The following UNC5C variants were observed in gnomAD, a reference collection of about 807,000 sequenced individuals.
UNC5C encodes unc-5 netrin receptor C.
In UNC5C, 47 loss-of-function variants were observed where a neutral mutation model predicts 99.8. The ratio of observed to expected loss-of-function variants is 0.47; its 90% CI spans 0.37 to 0.60. The LOEUF (loss-of-function observed/expected upper bound fraction) is 0.60, where lower values mean the gene tolerates loss of function less well. Among genes scored for constraint, UNC5C ranks in the 20% least tolerant of loss-of-function variants. The pLI is 0.00. For synonymous variants in UNC5C, 487 were observed against 452.2 expected (o/e 1.08, Z -0.98); for missense variants, 1,062 against 1,165.9 (o/e 0.91, Z 1.30).
At chr4:95,534,231 A>G (rs879437938) in intron 1 of UNC5C, among the ~76,000 whole-genome samples, 6 of 152,186 alleles carry the variant, frequency 3.9e-5, no homozygotes, top group Non-Finnish European at 5.9e-5. Flanking sequence ...TGGGGGTATC[A>G]TCCTGAAGTG....
chr4:95,419,747 T>C (rs1746264817), intron 1 of UNC5C, among the ~76,000 whole-genome samples: 1 of 152,090 alleles, frequency 6.6e-6, no homozygotes, highest in African/African-American at 2.4e-5. Flanking sequence ...AGGAATCCAT[T>C]TATAGACTGA....
rs114897912 is a variant in UNC5C, at chr4:95,347,713, G to A, written c.125-12082C>T. ...GAAAACTGGGTATCCGTAGGCAGAA[G>A]AAGGAAACTAGACCCCTATCTCTCA... On this transcript the variant is annotated intron_variant, in intron 1 of 15. Coordinates refer to ENST00000453304, the MANE Select transcript of UNC5C (RefSeq NM_003728.4). 4.9e-3 allele frequency among the ~76,000 whole-genome samples: 740 copies of A among 152,104 alleles called. 5 individuals carry two copies. The highest frequency in any genetic ancestry group is 0.017 in the African/African-American group (709 of 41,538).
At chr4:95,359,853 C>A (rs1744332297) in intron 1 of UNC5C, among the ~76,000 whole-genome samples, 1 of 152,180 alleles carries the variant, frequency 6.6e-6, no homozygotes. Context: ...GAAGCACTTA[C>A]AATATGCCAG....
rs374100147 is a variant in UNC5C, at chr4:95,202,719, G to A, written c.2136+12C>T. 1.6e-5 allele frequency: 25 copies of A among 1,612,562 alleles called. No homozygotes were observed. The African/African-American group carries it at 2.5e-4, about 16-fold the overall frequency. ...GGAGGTGAAGAGGGCAGGCTAGGTGGGAGGCACTTACCTTCAGGGCATCCT... is the reference window on the plus strand; with the variant it reads ...GGAGGTGAAGAGGGCAGGCTAGGTGAGAGGCACTTACCTTCAGGGCATCCT... On this transcript the variant is annotated intron_variant, in intron 12 of 15. Transcript: ENST00000453304.
chr4:95,517,778 T>C (rs1722254783), intron 1 of UNC5C, among the ~76,000 whole-genome samples: 1 of 152,226 alleles, frequency 6.6e-6, no homozygotes, highest in South Asian at 2.1e-4. Context: ...ATACATTCTT[T>C]ATGAGAATGT....
intron 1 of UNC5C, among the ~76,000 whole-genome samples, chr4:95,379,439 A>G (rs1377210754): frequency 6.6e-6 from 1 of 152,194 alleles, no homozygotes; most frequent in East Asian, 1.9e-4. Flanking sequence ...TACAAACAAC[A>G]TTAAATTATG....
chr4:95,244,722 G>T (rs1265218181), intron 6 of UNC5C, among the ~76,000 whole-genome samples: 1 of 152,070 alleles, frequency 6.6e-6, no homozygotes, highest in Non-Finnish European at 1.5e-5. Flanking sequence ...CAGTTTTGTT[G>T]AATAATATAA....
chr4:95,248,702 A>C (rs138609751), intron 5 of UNC5C: 289 of 380,672 alleles, frequency 7.6e-4, no homozygotes, highest in Non-Finnish European at 1.3e-3. Context: ...CATGTACCCC[A>C]TAACATTTCA....
chr4:95,451,258 T>C (rs1333290451), intron 1 of UNC5C, among the ~76,000 whole-genome samples: 1 of 152,176 alleles, frequency 6.6e-6, no homozygotes, highest in Admixed American at 6.5e-5. Flanking sequence ...GCAATGCTGA[T>C]TTAAATTAGG....
chr4:95,543,560 AC>A (rs1722971307), intron 1 of UNC5C, among the ~76,000 whole-genome samples: 1 of 152,158 alleles, frequency 6.6e-6, no homozygotes, highest in South Asian at 2.1e-4. Context: ...TGAACAGAAA[AC>A]CAATTATGTT....
chr4:95,212,922 TTCC>T (rs1369241101), intron 10 of UNC5C, among the ~76,000 whole-genome samples: 2 of 152,254 alleles, frequency 1.3e-5, no homozygotes, highest in East Asian at 3.9e-4. Flanking sequence ...TCCGGCCCGG[TTCC>T]TCCTCCTCCT....
At chr4:95,230,802 A>T (rs554862952) in intron 7 of UNC5C, among the ~76,000 whole-genome samples, 1 of 151,800 alleles carries the variant, frequency 6.6e-6, no homozygotes, top group South Asian at 2.1e-4. Flanking sequence ...GCCTTCACAC[A>T]TTGGCTCCAG....
At chr4:95,436,599 G>C (rs928596143) in intron 1 of UNC5C, among the ~76,000 whole-genome samples, 15 of 151,968 alleles carry the variant, frequency 9.9e-5, no homozygotes, top group South Asian at 2.1e-4. Context: ...AAGGCCCCAG[G>C]TTGTTTCTCT....
chr4:95,189,736 A>G (rs2149353836), intron 12 of UNC5C, among the ~76,000 whole-genome samples: 1 of 152,372 alleles, frequency 6.6e-6, no homozygotes, highest in East Asian at 1.9e-4. Context: ...AGACACATGA[A>G]AAAATGCTCA....
chr4:95,183,179 C>G, intron 13 of UNC5C, 118 bp from the exon 14 acceptor site: 1 of 1,007,246 alleles, frequency 9.9e-7, no homozygotes, highest in Non-Finnish European at 1.4e-6. Flanking sequence ...ATCCTCACAA[C>G]AGCCCTATGT....
intron 2 of UNC5C, among the ~76,000 whole-genome samples, chr4:95,332,514 C>T (rs1743156439): frequency 6.6e-6 from 1 of 151,274 alleles, no homozygotes. Context: ...AACTGGCTAG[C>T]CATATGTAGA....
chr4:95,295,865 GC>G (rs1358982630), intron 3 of UNC5C, among the ~76,000 whole-genome samples: 1 of 152,122 alleles, frequency 6.6e-6, no homozygotes, highest in Non-Finnish European at 1.5e-5. Context: ...CAGGCAGATT[GC>G]TTGAGTTCAC....
At chr4:95,227,183 T>C (rs981249978) in intron 7 of UNC5C, among the ~76,000 whole-genome samples, 1 of 151,834 alleles carries the variant, frequency 6.6e-6, no homozygotes, top group Non-Finnish European at 1.5e-5. Flanking sequence ...AGGGTCTTGC[T>C]CTGTCATGCT....
At chr4:95,396,635 C>T (rs910110947) in intron 1 of UNC5C, among the ~76,000 whole-genome samples, 7 of 152,198 alleles carry the variant, frequency 4.6e-5, no homozygotes, top group Admixed American at 6.5e-5. Flanking sequence ...TACCCTCTCT[C>T]GACTGGTTCC....
Sources: gnomAD v4.1 joint callset for allele counts (sites outside exome capture counted in the v4.1 genomes callset) on GRCh38, gnomAD v4.1.1 for gene constraint, MANE v1.5 for transcripts, NCBI Gene and HGNC (gene_info 2026-07-23, HGNC 2026-07-21) for gene names.